Variants in LRBA observed in about 807,000 individuals in gnomAD.
LRBA encodes the protein LPS responsive beige-like anchor protein, also known as lipopolysaccharide-responsive and beige-like anchor protein.
In LRBA, 176 loss-of-function variants were observed where a neutral mutation model predicts 330.0. The ratio of observed to expected loss-of-function variants is 0.53; its 90% CI spans 0.47 to 0.60. The LOEUF is 0.60. Ranked by LOEUF, LRBA falls within the 20% of genes least tolerant of loss-of-function variation. The pLI is 0.00. For missense variants in LRBA, 3,259 were observed against 3,444.8 expected (o/e 0.95, Z 1.35); for synonymous variants, 1,230 against 1,193.0 (o/e 1.03, Z -0.64).
At chr4:150,941,534 C>T (rs1735679149) in intron 2 of LRBA, among the ~76,000 whole-genome samples, 1 of 152,188 alleles carries the variant, frequency 6.6e-6, no homozygotes, top group Non-Finnish European at 1.5e-5. Context: ...TTACAGATAT[C>T]GTGGTAATAC....
chr4:150,665,916 G>A (rs188396909), intron 37 of LRBA, among the ~76,000 whole-genome samples: 35 of 152,202 alleles, frequency 2.3e-4, no homozygotes, highest in African/African-American at 7.7e-4. Context: ...ATCAAAACAC[G>A]CAGTAGAATG....
intron 31 of LRBA, among the ~76,000 whole-genome samples, chr4:150,815,128 C>T (rs935364324): frequency 4.6e-5 from 7 of 151,852 alleles, no homozygotes; most frequent in Non-Finnish European, 2.9e-5. Flanking sequence ...TCTGAAACTA[C>T]ATTTGATTTT....
chr4:150,648,171 A>AAAAAAAAAAC (rs1351965231), intron 37 of LRBA, among the ~76,000 whole-genome samples: 4 of 144,792 alleles, frequency 2.8e-5, no homozygotes, highest in African/African-American at 9.8e-5. Flanking sequence ...AAAAAAAAAA[A>AAAAAAAAAAC]AAAAAACTAG....
chr4:150,865,559 T>C (rs1752568013), intron 22 of LRBA, among the ~76,000 whole-genome samples: 1 of 152,172 alleles, frequency 6.6e-6, no homozygotes, highest in Non-Finnish European at 1.5e-5. Flanking sequence ...CTTTTCTTAT[T>C]TACAAATGGA....
intron 40 of LRBA, among the ~76,000 whole-genome samples, chr4:150,561,415 A>C (rs1768325957): frequency 6.6e-6 from 1 of 152,200 alleles, no homozygotes; most frequent in Non-Finnish European, 1.5e-5. Context: ...TACAGTTGCA[A>C]ATGGAATAAG....
intron 2 of LRBA, among the ~76,000 whole-genome samples, chr4:150,944,284 T>C (rs1315730587): frequency 6.6e-6 from 1 of 152,238 alleles, no homozygotes; most frequent in African/African-American, 2.4e-5. Context: ...AACTTTATTA[T>C]GCTATTTATT....
rs183360041 is a variant in LRBA, at chr4:150,938,101, G to T, written c.217-9036C>A. Among the ~76,000 whole-genome samples the T allele has an allele frequency of 4.2e-3, 632 of 151,338 alleles. 3 individuals carry two copies. Among genetic ancestry groups the T allele is most frequent in the African/African-American group, 0.015 (612 of 41,288 alleles). On this transcript the variant is annotated intron_variant, in intron 2 of 56. Coordinates refer to ENST00000651943, the MANE Select transcript of LRBA (RefSeq NM_001364905.1). ...TAAAAAAAAAAAAAAAAAGGACAGGGTGTAATCACAGCTTCTGACCCTAAC... is the reference window on the plus strand; with the variant it reads ...TAAAAAAAAAAAAAAAAAGGACAGGTTGTAATCACAGCTTCTGACCCTAAC...
intron 37 of LRBA, among the ~76,000 whole-genome samples, chr4:150,672,065 T>A (rs890492649): frequency 7.2e-5 from 11 of 152,190 alleles, no homozygotes; most frequent in African/African-American, 2.7e-4. Context: ...GAATGCTCAT[T>A]TTGTTAGTCA....
chr4:150,921,931 G>A (rs1232840729), intron 4 of LRBA, among the ~76,000 whole-genome samples: 2 of 152,144 alleles, frequency 1.3e-5, no homozygotes, highest in African/African-American at 2.4e-5. Flanking sequence ...TCTCCATGTT[G>A]GTCAGGCTGG....
intron 2 of LRBA, among the ~76,000 whole-genome samples, chr4:150,963,028 AAAC>A (rs1374027016): frequency 2.0e-5 from 3 of 148,344 alleles, no homozygotes; most frequent in African/African-American, 7.8e-5. Context: ...TTAAAAAAAA[AAAC>A]ACCACTAGTC....
At chr4:150,531,283 C>T (rs1300767460) in intron 40 of LRBA, among the ~76,000 whole-genome samples, 2 of 152,126 alleles carry the variant, frequency 1.3e-5, no homozygotes, top group Non-Finnish European at 2.9e-5. Flanking sequence ...TTTTTTGCAA[C>T]TCAATCCCAC....
At chr4:150,810,169 T>C (rs1406716220) in intron 31 of LRBA, among the ~76,000 whole-genome samples, 1 of 152,144 alleles carries the variant, frequency 6.6e-6, no homozygotes, top group Non-Finnish European at 1.5e-5. Context: ...CAGTACTTGA[T>C]CAATAACCCT....
At chr4:150,975,291 A>C (rs1740023726) in intron 2 of LRBA, among the ~76,000 whole-genome samples, 1 of 152,056 alleles carries the variant, frequency 6.6e-6, no homozygotes, top group African/African-American at 2.4e-5. Flanking sequence ...CATTTTGAGA[A>C]GCCAAGGCGG....
intron 46 of LRBA, among the ~76,000 whole-genome samples, chr4:150,435,182 T>A (rs1581301795): frequency 6.7e-6 from 1 of 149,732 alleles, no homozygotes; most frequent in South Asian, 2.1e-4. Flanking sequence ...CCATCTCTAC[T>A]AAAAAAAAAT....
intron 47 of LRBA, among the ~76,000 whole-genome samples, chr4:150,353,969 CAA>C (rs921030951): frequency 2.0e-5 from 3 of 152,106 alleles, no homozygotes; most frequent in African/African-American, 7.2e-5. Flanking sequence ...CAAGAAGTTT[CAA>C]AGTCATTTCA....
chr4:150,529,919 C>T (rs79066772), intron 40 of LRBA, among the ~76,000 whole-genome samples: 13,190 of 151,860 alleles, frequency 0.087, 1,150 homozygotes, highest in East Asian at 0.32. Context: ...CTATCTATTT[C>T]GCATTATACT....
At chr4:150,474,446 C>T (rs1756486834) in intron 42 of LRBA, among the ~76,000 whole-genome samples, 1 of 152,114 alleles carries the variant, frequency 6.6e-6, no homozygotes, top group African/African-American at 2.4e-5. Context: ...AATCAAGGTA[C>T]ATCTTCCAAT....
At chr4:150,841,596 T>C (rs1433996390) in intron 28 of LRBA, among the ~76,000 whole-genome samples, 3 of 152,152 alleles carry the variant, frequency 2.0e-5, no homozygotes, top group African/African-American at 7.2e-5. Context: ...GGTAGAAATT[T>C]ATTTATGTCG....
intron 2 of LRBA, among the ~76,000 whole-genome samples, chr4:150,953,818 C>T (rs1214357361): frequency 5.3e-5 from 8 of 150,776 alleles, no homozygotes; most frequent in South Asian, 2.1e-4. Context: ...TCTGCCCGGC[C>T]GCCCATCATC....
Sources: gnomAD v4.1 joint callset for allele counts (sites outside exome capture counted in the v4.1 genomes callset) on GRCh38, gnomAD v4.1.1 for gene constraint, MANE v1.5 for transcripts, NCBI Gene and HGNC (gene_info 2026-07-23, HGNC 2026-07-21) for gene names.